Variants in TMTC1 observed in about 807,000 individuals in gnomAD.
TMTC1 encodes transmembrane O-mannosyltransferase targeting cadherins 1, also known as protein O-mannosyl-transferase TMTC1.
In TMTC1, 73 loss-of-function variants were observed where a neutral mutation model predicts 104.8. The ratio of observed to expected loss-of-function variants is 0.70; its 90% confidence interval spans 0.58 to 0.85. TMTC1 has a LOEUF of 0.85. Among genes scored for constraint, TMTC1 ranks in the 40% least tolerant of loss-of-function variants. The pLI is 0.00. For synonymous variants in TMTC1, 434 were observed against 428.7 expected (o/e 1.01, Z -0.15); for missense variants, 1,035 against 1,096.1 (o/e 0.94, Z 0.79).
At chr12:29,571,464 T>C (rs1945674776) in intron 9 of TMTC1, among the ~76,000 whole-genome samples, 1 of 151,832 alleles carries the variant, frequency 6.6e-6, no homozygotes, top group Non-Finnish European at 1.5e-5. Context: ...TACTAGCAGA[T>C]TGCTGCTAGT....
At chr12:29,731,301 T>C (rs1362384427) in intron 5 of TMTC1, among the ~76,000 whole-genome samples, 5 of 152,182 alleles carry the variant, frequency 3.3e-5, no homozygotes, top group African/African-American at 2.4e-5. Context: ...GGATTACAGA[T>C]GTCTGCCACC....
In TMTC1 at chr12:29,604,179, T is replaced by C; in HGVS notation, c.1249A>G (p.Ser417Gly). 1 of 1,613,606 alleles carries C rather than the reference T, an allele frequency of 6.2e-7. No homozygotes were observed. Among genetic ancestry groups the C allele is most frequent in the Non-Finnish European group, 8.5e-7 (1 of 1,179,674 alleles). ...GAGGAAGTCACGTGCAATAGTTACCTAGGCATGTAAAGGACTCTCTCCGCC... is the reference window on the plus strand; with the variant it reads ...GAGGAAGTCACGTGCAATAGTTACCCAGGCATGTAAAGGACTCTCTCCGCC... Reference protein sequence around the residue: ...VVAERVLYMPSMGYCILFVHG... With the variant: ...VVAERVLYMPGMGYCILFVHG... Residue 417 changes from serine to glycine, a missense_variant and splice_region_variant, in exon 7 of 18, where the codon AGC (serine) becomes GGC (glycine). By Grantham distance (56) the Ser-to-Gly change is moderately conservative. Coordinates refer to ENST00000539277, the MANE Select transcript of TMTC1 (RefSeq NM_001193451.2).
At chr12:29,698,733 C>T (rs181957135) in intron 5 of TMTC1, among the ~76,000 whole-genome samples, 192 of 152,280 alleles carry the variant, frequency 1.3e-3, no homozygotes, top group Middle Eastern at 3.4e-3. Flanking sequence ...AAATCCAAGT[C>T]AATATCTCAC....
chr12:29,546,902 TA>T (rs35983975), intron 10 of TMTC1, among the ~76,000 whole-genome samples: 83,198 of 151,198 alleles, frequency 0.55, 25,598 homozygotes, highest in Non-Finnish European at 0.68. Context: ...CCTTTTCTCT[TA>T]AAAAAAAAAT....
intron 7 of TMTC1, among the ~76,000 whole-genome samples, chr12:29,590,234 C>A (rs1183974220): frequency 2.0e-5 from 3 of 151,772 alleles, no homozygotes; most frequent in Admixed American, 1.3e-4. Context: ...CATTATCAGG[C>A]CCAGAGAAGC....
At chr12:29,773,082 T>C (rs1163831267) in intron 1 of TMTC1, among the ~76,000 whole-genome samples, 1 of 152,208 alleles carries the variant, frequency 6.6e-6, no homozygotes, top group Non-Finnish European at 1.5e-5. Flanking sequence ...ATAATCTTAA[T>C]AGCCATCTCT....
intron 5 of TMTC1, among the ~76,000 whole-genome samples, chr12:29,635,118 T>C (rs898684490): frequency 3.9e-4 from 59 of 151,912 alleles, no homozygotes; most frequent in African/African-American, 1.4e-3. Context: ...TAAAAGGTAA[T>C]ATACAAATAG....
chr12:29,735,185 T>G (rs957374706), intron 5 of TMTC1, among the ~76,000 whole-genome samples: 5 of 152,244 alleles, frequency 3.3e-5, no homozygotes, highest in African/African-American at 1.2e-4. Context: ...AAGTAGGTGC[T>G]ATCCTTAAAC....
chr12:29,530,176 C>A (rs1944462296), intron 11 of TMTC1, among the ~76,000 whole-genome samples: 1 of 152,120 alleles, frequency 6.6e-6, no homozygotes, highest in African/African-American at 2.4e-5. Flanking sequence ...CAACACACCC[C>A]CTCCTGGCCA....
chr12:29,633,859 G>A (rs1938420696), intron 5 of TMTC1, among the ~76,000 whole-genome samples: 3 of 152,330 alleles, frequency 2.0e-5, no homozygotes, highest in African/African-American at 7.2e-5. Flanking sequence ...CAGGGACAAT[G>A]GATGGAGGAG....
intron 4 of TMTC1, 36 bp downstream of exon 4, chr12:29,755,673 C>T: frequency 1.3e-6 from 2 of 1,588,876 alleles, no homozygotes; most frequent in Non-Finnish European, 1.7e-6. Context: ...CTGCCCATGA[C>T]ATGCCATTTG....
intron 10 of TMTC1, among the ~76,000 whole-genome samples, chr12:29,550,773 G>T (rs141851944): frequency 1.3e-5 from 2 of 152,104 alleles, no homozygotes; most frequent in South Asian, 2.1e-4. Context: ...GAGAGTCACT[G>T]CCCTGGTGCT....
Position 29,715,997 on chromosome 12 carries a change from T to C in TMTC1, c.938+35669A>G, listed in dbSNP as rs868219932. ...ACACAGCCAAACTCAGTATTATTAT[T>C]ATTATTATTATTATTATTATTATTA... On this transcript the variant is annotated intron_variant, in intron 5 of 17. Coordinates refer to ENST00000539277, the MANE Select transcript of TMTC1 (RefSeq NM_001193451.2). Among the ~76,000 whole-genome samples, 14 of 137,850 alleles carry C rather than the reference T, an allele frequency of 1.0e-4. No individual in the cohort carries two copies. The South Asian group carries it at 2.2e-3, about 21-fold the overall frequency. 90.4% of individuals were successfully genotyped at this position (137,850 alleles called of 152,430 possible).
chr12:29,606,728 C>T (rs1432548852), intron 6 of TMTC1, among the ~76,000 whole-genome samples: 1 of 152,132 alleles, frequency 6.6e-6, no homozygotes, highest in Non-Finnish European at 1.5e-5. Context: ...ACCCAATGAG[C>T]CACCCCACGG....
intron 5 of TMTC1, among the ~76,000 whole-genome samples, chr12:29,688,612 G>A (rs1364850893): frequency 6.6e-6 from 1 of 152,114 alleles, no homozygotes; most frequent in Non-Finnish European, 1.5e-5. Context: ...TCTAATCTGG[G>A]GCTGCCCAAA....
intron 10 of TMTC1, among the ~76,000 whole-genome samples, chr12:29,545,567 A>T (rs1281372026): frequency 4.0e-5 from 6 of 149,832 alleles, no homozygotes; most frequent in Non-Finnish European, 5.9e-5. Context: ...TAAAACCTGG[A>T]GGTTGCAGTG....
At chr12:29,760,080 T>C (rs1943308638) in intron 2 of TMTC1, among the ~76,000 whole-genome samples, 1 of 152,208 alleles carries the variant, frequency 6.6e-6, no homozygotes, top group African/African-American at 2.4e-5. Flanking sequence ...TACAGTTGCC[T>C]ACAGTATTCA....
intron 9 of TMTC1, among the ~76,000 whole-genome samples, chr12:29,562,511 C>T (rs1165973691): frequency 6.6e-6 from 1 of 152,132 alleles, no homozygotes; most frequent in Non-Finnish European, 1.5e-5. Context: ...TTTCTCTATT[C>T]CTTTAAATAG....
rs142514550 is a variant in TMTC1, at chr12:29,525,452, C to G, written c.1786-4732G>C. 6.4e-3 allele frequency among the ~76,000 whole-genome samples: 973 copies of G among 152,010 alleles called. 3 individuals carry two copies. Among genetic ancestry groups the G allele is most frequent in the Non-Finnish European group, 9.9e-3 (675 of 67,982 alleles). On this transcript the variant is annotated intron_variant, in intron 11 of 17. Transcript: ENST00000539277. ...CCACCCGCCTTGGCTTCCCAAAATACTGGGATTGCAGGTGTGAGCCACTGT... is the reference window on the plus strand; with the variant it reads ...CCACCCGCCTTGGCTTCCCAAAATAGTGGGATTGCAGGTGTGAGCCACTGT...
Sources: gnomAD v4.1 joint callset for allele counts (sites outside exome capture counted in the v4.1 genomes callset) on GRCh38, gnomAD v4.1.1 for gene constraint, MANE v1.5 for transcripts, NCBI Gene and HGNC (gene_info 2026-07-23, HGNC 2026-07-21) for gene names.